The following ISM1 variants were observed in gnomAD, a reference collection of about 807,000 sequenced individuals.
The protein encoded by ISM1 is isthmin-1.
Under a neutral mutation model 46.3 loss-of-function variants are expected in ISM1, and 25 were observed. That is an observed-to-expected ratio of 0.54 (90% confidence interval 0.39 to 0.75). The LOEUF is 0.75. Ranked by LOEUF, ISM1 falls within the 30% of genes least tolerant of loss-of-function variation. The probability of loss-of-function intolerance (pLI) is 0.00; values close to 1 mark genes in which losing one functional copy is unlikely to be tolerated. For missense variants in ISM1, 536 were observed against 625.4 expected (o/e 0.86, Z 1.52); for synonymous variants, 255 against 256.7 (o/e 0.99, Z 0.06).
Position 13,300,009 on chromosome 20 carries a change from T to C in ISM1, c.*550T>C, listed in dbSNP as rs2040445171. ...CTTTAAAAATAATGCAATGGAAATA[T>C]ATCAAAACATGTAAACGCCCACCTT... On this transcript the variant is annotated 3_prime_UTR_variant, in exon 6 of 6. Transcript: ENST00000262487. 1 of 152,510 alleles carries C rather than the reference T, an allele frequency of 6.6e-6. No individual in the cohort carries two copies. The highest frequency in any genetic ancestry group is 2.1e-4 in the South Asian group (1 of 4,842). The allele number at this position is 152,510 out of a possible 1,614,324, so 9.4% of individuals were successfully genotyped here.
In ISM1 at chr20:13,236,906, C is replaced by T. The variant is rs577371277; in HGVS notation, c.138+14992C>T. Among the ~76,000 whole-genome samples, 193 of 152,352 alleles carry T rather than the reference C, an allele frequency of 1.3e-3. 2 individuals carry two copies. Among genetic ancestry groups the T allele is most frequent in the African/African-American group, 4.5e-3 (186 of 41,572 alleles). Reference sequence around the variant, plus strand: ...GCAGGGTACAGCCTCCCTCCAGCTGCTTTCAGGGGCTGGCATTGAGTGTCT... The same window carrying T: ...GCAGGGTACAGCCTCCCTCCAGCTGTTTTCAGGGGCTGGCATTGAGTGTCT... On this transcript the variant is annotated intron_variant, in intron 1 of 5. Coordinates refer to ENST00000262487, the MANE Select transcript of ISM1 (RefSeq NM_080826.2).
chr20:13,310,716 T>G, the ISM1 span, among the ~76,000 whole-genome samples: 4 of 152,146 alleles, frequency 2.6e-5, no homozygotes, highest in Non-Finnish European at 5.9e-5. Context: ...TCAAACAACT[T>G]AACAGCAAGA....
chr20:13,241,148 A>G (rs2039717291), intron 1 of ISM1, among the ~76,000 whole-genome samples: 1 of 152,172 alleles, frequency 6.6e-6, no homozygotes, highest in South Asian at 2.1e-4. Flanking sequence ...TGGGCAACGC[A>G]GCCATGACTG....
At chr20:13,273,417 G>A (rs569990377) in intron 2 of ISM1, among the ~76,000 whole-genome samples, 1 of 151,446 alleles carries the variant, frequency 6.6e-6, no homozygotes, top group Non-Finnish European at 1.5e-5. Flanking sequence ...TTTATTTTTT[G>A]AAGAGACCAG....
intron 1 of ISM1, among the ~76,000 whole-genome samples, chr20:13,238,476 C>T (rs2039679275): frequency 6.6e-6 from 1 of 152,130 alleles, no homozygotes; most frequent in South Asian, 2.1e-4. Context: ...AAATTAAACT[C>T]CTGGATCGAT....
intron 1 of ISM1, among the ~76,000 whole-genome samples, chr20:13,244,638 C>T (rs1220239176): frequency 6.6e-6 from 1 of 152,208 alleles, no homozygotes; most frequent in Non-Finnish European, 1.5e-5. Flanking sequence ...CTATATACTT[C>T]CATAATTTAA....
intron 3 of ISM1, among the ~76,000 whole-genome samples, chr20:13,281,706 G>A (rs1340700523): frequency 6.6e-6 from 1 of 152,198 alleles, no homozygotes; most frequent in South Asian, 2.1e-4. Context: ...GCTTAGGTTG[G>A]AAGATAGGAA....
chr20:13,317,350 A>G, the ISM1 span, among the ~76,000 whole-genome samples: 1 of 152,062 alleles, frequency 6.6e-6, no homozygotes, highest in Non-Finnish European at 1.5e-5. Context: ...CAATTTTGTC[A>G]AGATGTCAGT....
chr20:13,279,665 C>G lies in ISM1; in HGVS notation c.410C>G (p.Ser137Cys), dbSNP rs747147810. The G allele has an allele frequency of 1.2e-6, 2 of 1,613,934 alleles. No homozygotes were observed. The highest frequency in any genetic ancestry group is 2.2e-5 in the South Asian group (2 of 91,062). ...ATAGAGGTGGTCGACGGTCCTGACT[C>G]TGAAGCAGATAAAGATCAGCATCCG... ...VTIEVVDGPD[S>C]EADKDQHPEN... is the part of the protein sequence containing the mutation. Residue 137 changes from serine (S) to cysteine (C), a missense_variant, in exon 3 of 6, where the codon TCT becomes TGT. Physicochemically the swap from Ser to Cys is moderately radical, Grantham distance 112. Around this residue, in one of 2 missense-constraint regions of ISM1, gnomAD observed 367 missense variants for 376.1 expected, o/e 0.98. Coordinates refer to ENST00000262487, the MANE Select transcript of ISM1 (RefSeq NM_080826.2).
At chr20:13,253,449 G>C (rs924562308) in intron 1 of ISM1, among the ~76,000 whole-genome samples, 2 of 152,182 alleles carry the variant, frequency 1.3e-5, no homozygotes, top group East Asian at 3.9e-4. Context: ...CTTTGAGAGC[G>C]CTGTGTTTCC....
chr20:13,228,082 C>T (rs182759837), intron 1 of ISM1, among the ~76,000 whole-genome samples: 124 of 151,046 alleles, frequency 8.2e-4, no homozygotes, highest in African/African-American at 2.8e-3. Context: ...AAGCGATTCT[C>T]GTGCCTCAGC....
intron 1 of ISM1, among the ~76,000 whole-genome samples, chr20:13,264,123 G>A (rs146960641): frequency 2.0e-5 from 3 of 152,272 alleles, no homozygotes; most frequent in African/African-American, 7.2e-5. Flanking sequence ...TGCCCCCTGA[G>A]CTTGTGAAAC....
intron 2 of ISM1, among the ~76,000 whole-genome samples, chr20:13,277,335 G>T (rs1166250402): frequency 6.6e-6 from 1 of 152,076 alleles, no homozygotes; most frequent in African/African-American, 2.4e-5. Context: ...TACCATAATT[G>T]TGGGCTTGCC....
chr20:13,291,224 C>G (rs569777209), intron 4 of ISM1, among the ~76,000 whole-genome samples: 1 of 152,276 alleles, frequency 6.6e-6, no homozygotes, highest in South Asian at 2.1e-4. Context: ...CTCGTGTGTC[C>G]TCACCCTCCT....
chr20:13,246,957 C>G (rs867451508), intron 1 of ISM1, among the ~76,000 whole-genome samples: 1 of 151,820 alleles, frequency 6.6e-6, no homozygotes, highest in Admixed American at 6.6e-5. Flanking sequence ...TGTATAGTGC[C>G]GGGCCCAGTG....
intron 2 of ISM1, among the ~76,000 whole-genome samples, chr20:13,274,594 A>G (rs572844289): frequency 6.6e-6 from 1 of 152,284 alleles, no homozygotes; most frequent in African/African-American, 2.4e-5. Flanking sequence ...AGGGCTAAGG[A>G]AACAGCCTGC....
the ISM1 span, among the ~76,000 whole-genome samples, chr20:13,326,209 C>T: frequency 2.0e-5 from 3 of 152,084 alleles, no homozygotes; most frequent in African/African-American, 4.8e-5. Context: ...TTTATCCACT[C>T]GCCTACTAAA....
the ISM1 span, among the ~76,000 whole-genome samples, chr20:13,318,171 C>T: frequency 1.9e-4 from 5 of 26,614 alleles, no homozygotes; most frequent in Non-Finnish European, 4.7e-4. Context: ...AAAAATGAGC[C>T]AAAGACTCTA....
intron 1 of ISM1, among the ~76,000 whole-genome samples, chr20:13,236,567 A>C (rs756770696): frequency 6.6e-6 from 1 of 152,188 alleles, no homozygotes; most frequent in Non-Finnish European, 1.5e-5. Flanking sequence ...GAATTAACCC[A>C]AAAGTCCACA....
Sources: gnomAD v4.1 joint callset for allele counts (sites outside exome capture counted in the v4.1 genomes callset) on GRCh38, gnomAD v4.1.1 for gene constraint, gnomAD v4.1.1 regional missense constraint, MANE v1.5 for transcripts, NCBI Gene and HGNC (gene_info 2026-07-23, HGNC 2026-07-21) for gene names.